COL4A4: variants seen among roughly 807,000 people sequenced by gnomAD.
COL4A4 encodes collagen type IV alpha 4 chain, also known as collagen alpha-4(IV) chain.
Under a neutral mutation model 192.9 loss-of-function variants are expected in COL4A4, and 105 were observed. The ratio of observed to expected loss-of-function variants is 0.54; its 90% CI spans 0.46 to 0.64. COL4A4 has a LOEUF of 0.64. COL4A4 is among the 30% of genes least tolerant of loss of function. The pLI is 0.00. For synonymous variants in COL4A4, 762 were observed against 769.9 expected (o/e 0.99, Z 0.17); for missense variants, 1,967 against 2,169.3 (o/e 0.91, Z 1.85).
chr2:227,033,574 G>A (rs1208733541), intron 37 of COL4A4, 93 bp from the exon 38 acceptor site: 17 of 1,087,990 alleles, frequency 1.6e-5, no homozygotes, highest in Admixed American at 9.1e-5. Flanking sequence ...CAGAGGGCGC[G>A]TTGCTGGGGC....
chr2:227,041,149 T>C (rs1322184831), intron 37 of COL4A4, among the ~76,000 whole-genome samples: 2 of 152,146 alleles, frequency 1.3e-5, no homozygotes, highest in Non-Finnish European at 2.9e-5. Context: ...AGTAAATATA[T>C]ATTCATTTCC....
At chr2:227,064,996 G>A (rs1159904693) in intron 25 of COL4A4, among the ~76,000 whole-genome samples, 3 of 152,220 alleles carry the variant, frequency 2.0e-5, no homozygotes, top group Non-Finnish European at 4.4e-5. Flanking sequence ...TCACTAGGGA[G>A]TGCCAGACAG....
chr2:227,049,983 A>T, intron 34 of COL4A4, 85 bp downstream of exon 34: 2 of 1,298,286 alleles, frequency 1.5e-6, no homozygotes, highest in Non-Finnish European at 2.2e-6. Flanking sequence ...CACTTTGCTT[A>T]TCATGTAAAA....
At position 227,027,998 on chromosome 2, in the gene COL4A4, A is replaced by G; in HGVS notation, c.3985T>C (p.Phe1329Leu). The G allele has an allele frequency of 6.2e-7, 1 of 1,608,910 alleles. No homozygotes were observed. The highest frequency in any genetic ancestry group is 8.5e-7 in the Non-Finnish European group (1 of 1,176,216). ...CCATGTGGTCCCTGCGGTCCCGGGAATCCCACTGGTCCTTAAAAAAAAACA... is the reference window on the plus strand; with the variant it reads ...CCATGTGGTCCCTGCGGTCCCGGGAGTCCCACTGGTCCTTAAAAAAAAACA... ...GKDGQKGPVG[F>L]PGPQGPHGFP... The change falls in exon 42 of 48, where the codon TTC becomes CTC. Residue 1329 changes from phenylalanine (F) to leucine (L), a missense_variant. Transcript: ENST00000396625.
intron 43 of COL4A4, among the ~76,000 whole-genome samples, chr2:227,023,786 G>A (rs937887187): frequency 1.3e-5 from 2 of 152,146 alleles, no homozygotes; most frequent in African/African-American, 2.4e-5. Flanking sequence ...GGCCAAGATG[G>A]ACAGATCACG....
intron 20 of COL4A4, 22 bp from the exon 21 acceptor site, chr2:227,089,979 G>A: frequency 6.3e-7 from 1 of 1,582,742 alleles, no homozygotes; most frequent in Non-Finnish European, 8.7e-7. Context: ...GTAAGGGGGT[G>A]GGCAGAGAGA....
chr2:227,146,849 G>C (rs147368292), intron 2 of COL4A4, among the ~76,000 whole-genome samples: 29 of 152,232 alleles, frequency 1.9e-4, no homozygotes, highest in Non-Finnish European at 3.7e-4. Flanking sequence ...CTGCTCTCCT[G>C]CTTCTCTCCT....
In COL4A4 at chr2:227,108,876, A is replaced by G; in HGVS notation, c.658-8T>C. The G allele has an allele frequency of 6.2e-7, 1 of 1,610,808 alleles. No homozygotes were observed. Among genetic ancestry groups the G allele is most frequent in the South Asian group, 1.1e-5 (1 of 90,532 alleles). On this transcript the variant is annotated splice_polypyrimidine_tract_variant and splice_region_variant and intron_variant, in intron 10 of 47. Transcript: ENST00000396625. The stretch of plus-strand genomic sequence containing the variant: ...TGGTTGGCCCGGAGGTCCCTAAATC[A>G]AGGGAGAAAAAAACACAAATCAATC...
intron 22 of COL4A4, among the ~76,000 whole-genome samples, chr2:227,085,660 C>T (rs2059563567): frequency 6.6e-6 from 1 of 152,056 alleles, no homozygotes; most frequent in South Asian, 2.1e-4. Context: ...GCAGGAGGTC[C>T]CAGACTCCTT....
chr2:227,028,780 C>G, intron 41 of COL4A4, among the ~76,000 whole-genome samples: 1 of 151,772 alleles, frequency 6.6e-6, no homozygotes, highest in Non-Finnish European at 1.5e-5. Flanking sequence ...CTCAGCCTCC[C>G]GAGTAGCTGG....
rs976979535 is a variant in COL4A4 at position 227,003,837 on chromosome 2, CAA to C, written c.*3486_*3487del. The C allele has an allele frequency of 1.3e-5, 2 of 152,032 alleles. No homozygotes were observed. Among genetic ancestry groups the C allele is most frequent in the Non-Finnish European group, 2.9e-5 (2 of 67,992 alleles). 9.4% of individuals were successfully genotyped at this position (152,032 alleles called of 1,614,324 possible). ...CTGAAATTTCTGTTTATAGAAAAAA[CAA>C]AAATCTATTTTTGGAGGGGTGTGAT... On this transcript the variant is annotated 3_prime_UTR_variant, in exon 48 of 48. Coordinates refer to ENST00000396625, the MANE Select transcript of COL4A4 (RefSeq NM_000092.5).
chr2:226,980,841 C>T, the COL4A4 span, among the ~76,000 whole-genome samples: 1 of 152,082 alleles, frequency 6.6e-6, no homozygotes, highest in African/African-American at 2.4e-5. Context: ...TTTTTCTGTT[C>T]ATAAAATGTT....
intron 18 of COL4A4, among the ~76,000 whole-genome samples, 167 bp downstream of exon 18, chr2:227,099,453 C>T (rs760591638): frequency 2.0e-5 from 3 of 152,146 alleles, no homozygotes; most frequent in Non-Finnish European, 4.4e-5. Flanking sequence ...AGTATATGTA[C>T]TGAAAAAAAC....
intron 1 of COL4A4, among the ~76,000 whole-genome samples, chr2:227,153,302 T>C (rs1478915004): frequency 6.6e-6 from 1 of 152,198 alleles, no homozygotes; most frequent in African/African-American, 2.4e-5. Context: ...GTTATAGCAC[T>C]AACATTGCAG....
intron 24 of COL4A4, 131 bp from the exon 25 acceptor site, chr2:227,078,208 A>G (rs2059136763): frequency 1.3e-6 from 1 of 756,210 alleles, no homozygotes; most frequent in East Asian, 2.7e-5. Context: ...AGCAAATGTA[A>G]GTTTAAAATA....
At chr2:227,124,360 C>CA (rs2061968700) in intron 4 of COL4A4, among the ~76,000 whole-genome samples, 1 of 152,218 alleles carries the variant, frequency 6.6e-6, no homozygotes, top group Non-Finnish European at 1.5e-5. Flanking sequence ...ATCTTACCAT[C>CA]AGCAGAAGTG....
intron 37 of COL4A4, 121 bp from the exon 38 acceptor site, chr2:227,033,602 C>A: frequency 1.3e-6 from 1 of 780,378 alleles, no homozygotes; most frequent in Non-Finnish European, 2.2e-6. Context: ...CAGCTCTGAG[C>A]GTCTGGACTT....
At chr2:226,996,657 C>G in the COL4A4 span, 11 of 152,178 alleles carry the variant, frequency 7.2e-5, no homozygotes, top group Non-Finnish European at 1.6e-4. Context: ...CTTCCAGATG[C>G]ATAAGGCAAA....
At chr2:227,029,564 C>G (rs1328923394) in intron 41 of COL4A4, among the ~76,000 whole-genome samples, 3 of 152,198 alleles carry the variant, frequency 2.0e-5, no homozygotes, top group Non-Finnish European at 2.9e-5. Context: ...TGGTTCAGAA[C>G]TCAGGCAAGG....
Sources: gnomAD v4.1 joint callset for allele counts (sites outside exome capture counted in the v4.1 genomes callset) on GRCh38, gnomAD v4.1.1 for gene constraint, MANE v1.5 for transcripts, NCBI Gene and HGNC (gene_info 2026-07-23, HGNC 2026-07-21) for gene names.